The following PAMR1 variants were observed in gnomAD, a reference collection of about 807,000 sequenced individuals.
The protein encoded by PAMR1 is inactive serine protease PAMR1.
A neutral mutation model predicts 81.8 loss-of-function variants in PAMR1; 88 were observed. That is an observed-to-expected ratio of 1.08 (90% CI 0.91 to 1.28). PAMR1 has a LOEUF of 1.28. Ranked by LOEUF, PAMR1 falls within the 50% of genes most tolerant of loss-of-function variation. The pLI is 0.00. For missense variants in PAMR1, 935 were observed against 919.7 expected, an observed-to-expected ratio of 1.02 and a Z score of -0.21; for synonymous variants, 336 against 345.3, an observed-to-expected ratio of 0.97 and a Z score of 0.30.
Position 35,439,524 on chromosome 11 carries a change from A to T in PAMR1, c.1100+103T>A, listed in dbSNP as rs930330467. 5 of 942,998 alleles carry T rather than the reference A, an allele frequency of 5.3e-6. No homozygotes were observed. In the Admixed American group the frequency reaches 8.7e-5, roughly 16 times the overall value. The allele number at this position is 942,998 out of a possible 1,614,324, so 58.4% of individuals were successfully genotyped here. A position where few individuals can be genotyped will look rare whatever the true frequency, so the allele number is the denominator to read the frequency against. On this transcript the variant is annotated intron_variant, in intron 8 of 10. Coordinates refer to ENST00000619888, the MANE Select transcript of PAMR1 (RefSeq NM_001001991.3). ...CAGTTAGCACTAAATGTCCCTAAGA[A>T]ACCTCAAACTGACTATCTTTGGCCA...
intron 1 of PAMR1, among the ~76,000 whole-genome samples, chr11:35,495,489 G>C (rs1219340361): frequency 1.3e-5 from 2 of 152,098 alleles, no homozygotes; most frequent in African/African-American, 4.8e-5. Flanking sequence ...CTAAGAAACA[G>C]ACCTTCTAGT....
intron 6 of PAMR1, among the ~76,000 whole-genome samples, chr11:35,450,743 T>C (rs1457048408): frequency 3.9e-5 from 6 of 152,230 alleles, no homozygotes; most frequent in African/African-American, 1.4e-4. Flanking sequence ...TAAAAATCTA[T>C]ATTATTCGTT....
intron 9 of PAMR1, among the ~76,000 whole-genome samples, chr11:35,435,060 T>G (rs533318672): frequency 2.3e-4 from 35 of 152,330 alleles, no homozygotes; most frequent in African/African-American, 7.2e-4. Flanking sequence ...AATAGAACTT[T>G]GGGCAAGTTG....
At position 35,456,608 on chromosome 11, in the gene PAMR1, G is replaced by A. The variant is rs140102183; in HGVS notation, c.820+11393C>T. ...ACCAGGGCACATTTGTGTAGTTAAT[G>A]CAGTGTGGACAATTGATCAGGGCAC... On this transcript the variant is annotated intron_variant, in intron 6 of 10. Coordinates refer to ENST00000619888, the MANE Select transcript of PAMR1 (RefSeq NM_001001991.3). Among the ~76,000 whole-genome samples, 341 of 152,302 alleles carry A rather than the reference G, an allele frequency of 2.2e-3. 2 individuals are homozygous for A. The Middle Eastern group carries it at 0.031, about 14-fold the overall frequency.
intron 6 of PAMR1, among the ~76,000 whole-genome samples, chr11:35,451,273 T>C (rs1856413395): frequency 1.3e-5 from 2 of 152,322 alleles, no homozygotes; most frequent in South Asian, 2.1e-4. Context: ...TTTTGAGCCC[T>C]TGAAAGTAAC....
intron 3 of PAMR1, among the ~76,000 whole-genome samples, chr11:35,485,927 G>A (rs1850492459): frequency 6.6e-6 from 1 of 152,254 alleles, no homozygotes; most frequent in East Asian, 1.9e-4. Context: ...CTCCGGCGCT[G>A]TGTCCCAGCC....
At chr11:35,526,084 G>A (rs987404848), upstream of PAMR1, 33 of 160,136 alleles carry the variant, frequency 2.1e-4, no homozygotes, top group Non-Finnish European at 2.6e-4. Flanking sequence ...GGAGAAGGAG[G>A]AGTTGGTGAT....
intron 1 of PAMR1, among the ~76,000 whole-genome samples, chr11:35,523,838 G>A (rs771520103): frequency 9.2e-5 from 14 of 152,206 alleles, no homozygotes; most frequent in Admixed American, 1.3e-4. Flanking sequence ...AACAAACTGC[G>A]TATCCTCTCT....
chr11:35,524,829 G>A (rs1400336884), intron 1 of PAMR1, among the ~76,000 whole-genome samples: 3 of 152,190 alleles, frequency 2.0e-5, no homozygotes, highest in Non-Finnish European at 2.9e-5. Flanking sequence ...CCTGGGGATT[G>A]TGGCTTAGAA....
chr11:35,494,143 C>T lies in PAMR1; in HGVS notation c.203G>A (p.Cys68Tyr). ...ACACTCATTCTCCTCATTCCTGCAG[C>T]AAGGGATGGTATAACCCACGACTTC... The part of the protein sequence containing the change: ...KREVVGYTIP[C>Y]CRNEENECDS... The change falls in exon 2 of 11, where the codon TGC (cysteine) becomes TAC (tyrosine). Residue 68 changes from cysteine (C) to tyrosine (Y), a missense_variant. Coordinates refer to ENST00000619888, the MANE Select transcript of PAMR1 (RefSeq NM_001001991.3). The T allele has an allele frequency of 6.2e-7, 1 of 1,614,126 alleles. No homozygotes were observed. Among genetic ancestry groups the T allele is most frequent in the South Asian group, 1.1e-5 (1 of 91,082 alleles).
chr11:35,494,022 A>C lies in PAMR1; in HGVS notation c.250+74T>G, dbSNP rs943685153. 5 of 1,171,264 alleles carry C rather than the reference A, an allele frequency of 4.3e-6. No homozygotes were observed. The Admixed American group carries it at 9.5e-5, about 22-fold the overall frequency. The allele number at this position is 1,171,264 out of a possible 1,614,324, so 72.6% of individuals were successfully genotyped here. A position where few individuals can be genotyped will look rare whatever the true frequency, so the allele number is the denominator to read the frequency against. ...TCCTGATGGCTGCCTGCTAGAATTC[A>C]GGCGTTCAGCCTGTTCCTGTTCATT... On this transcript the variant is annotated intron_variant, in intron 2 of 10. Coordinates refer to ENST00000619888, the MANE Select transcript of PAMR1 (RefSeq NM_001001991.3).
chr11:35,519,399 T>C (rs933323143), intron 1 of PAMR1, among the ~76,000 whole-genome samples: 5 of 150,090 alleles, frequency 3.3e-5, no homozygotes, highest in African/African-American at 1.2e-4. Context: ...AACACATCCA[T>C]AAAGGAGCAG....
At chr11:35,498,982 C>T (rs994541823) in intron 1 of PAMR1, among the ~76,000 whole-genome samples, 1 of 152,216 alleles carries the variant, frequency 6.6e-6, no homozygotes, top group South Asian at 2.1e-4. Context: ...TGTCTGCCTC[C>T]CTTACATGCC....
intron 3 of PAMR1, among the ~76,000 whole-genome samples, chr11:35,488,041 C>T (rs146908782): frequency 8.5e-5 from 13 of 152,232 alleles, no homozygotes; most frequent in Admixed American, 1.3e-4. Flanking sequence ...TCCTTTAACT[C>T]TCACTTTTGT....
chr11:35,462,049 T>C (rs1229836246), intron 6 of PAMR1, among the ~76,000 whole-genome samples: 2 of 150,130 alleles, frequency 1.3e-5, no homozygotes, highest in Non-Finnish European at 1.5e-5. Flanking sequence ...CCTTTTTTTT[T>C]TTCTTCTCCC....
intron 6 of PAMR1, among the ~76,000 whole-genome samples, chr11:35,449,931 C>G (rs991653904): frequency 5.3e-5 from 8 of 152,140 alleles, no homozygotes; most frequent in Admixed American, 2.0e-4. Flanking sequence ...ACCACCTAGT[C>G]AGTCTCAATG....
At chr11:35,490,600 A>C (rs1850603959) in intron 3 of PAMR1, among the ~76,000 whole-genome samples, 1 of 152,228 alleles carries the variant, frequency 6.6e-6, no homozygotes, top group South Asian at 2.1e-4. Flanking sequence ...CAGCCTGGGC[A>C]ACATAGTAGG....
chr11:35,437,551 G>A (rs1856077962), intron 8 of PAMR1, among the ~76,000 whole-genome samples: 2 of 152,216 alleles, frequency 1.3e-5, no homozygotes, highest in Admixed American at 1.3e-4. Flanking sequence ...CCTTGGCTAT[G>A]GAAGGTCTAC....
intron 6 of PAMR1, among the ~76,000 whole-genome samples, chr11:35,454,824 A>G (rs528307765): frequency 1.3e-5 from 2 of 152,294 alleles, no homozygotes; most frequent in South Asian, 2.1e-4. Context: ...AACCTCCACA[A>G]ATATGCTCGC....
Sources: allele counts gnomAD v4.1 joint callset (sites outside exome capture counted in the v4.1 genomes callset), GRCh38; gene constraint gnomAD v4.1.1; transcripts MANE v1.5; gene names NCBI Gene and HGNC (gene_info 2026-07-23, HGNC 2026-07-21).